The following BAALC variants were observed in gnomAD, a reference collection of about 807,000 sequenced individuals.
BAALC encodes brain and acute leukemia cytoplasmic protein.
In BAALC, 9 loss-of-function variants were observed where a neutral mutation model predicts 15.5. That is an observed-to-expected ratio of 0.58 (90% CI 0.35 to 1.02). The LOEUF is 1.02. Ranked by LOEUF, BAALC falls within the 50% of genes least tolerant of loss-of-function variation. BAALC has a pLI of 0.02. For missense variants in BAALC, 201 were observed against 192.4 expected (o/e 1.04, Z -0.27); for synonymous variants, 80 against 74.6 (o/e 1.07, Z -0.37).
intron 1 of BAALC, among the ~76,000 whole-genome samples, chr8:103,185,217 A>G (rs1303606184): frequency 6.6e-6 from 1 of 151,886 alleles, no homozygotes. Context: ...CTCAATCTAG[A>G]TGGTCTCTGC....
intron 2 of BAALC, among the ~76,000 whole-genome samples, chr8:103,218,564 C>G (rs1042566274): frequency 4.6e-5 from 7 of 151,966 alleles, no homozygotes; most frequent in Admixed American, 2.6e-4. Flanking sequence ...TTATTCCCCC[C>G]CACCCCTTAA....
intron 1 of BAALC, among the ~76,000 whole-genome samples, chr8:103,170,309 T>C (rs1811452745): frequency 1.3e-5 from 2 of 152,044 alleles, no homozygotes; most frequent in African/African-American, 4.8e-5. Context: ...TTGTATTGGA[T>C]GGTATACAGA....
At chr8:103,169,851 G>T (rs1405530118) in intron 1 of BAALC, among the ~76,000 whole-genome samples, 1 of 152,046 alleles carries the variant, frequency 6.6e-6, no homozygotes, top group African/African-American at 2.4e-5. Flanking sequence ...ATTCAGATTT[G>T]GTATTTTGGG....
chr8:103,198,144 G>C (rs1284784347), intron 1 of BAALC: 1 of 701,516 alleles, frequency 1.4e-6, no homozygotes, highest in South Asian at 1.5e-5. Flanking sequence ...CAGAAAGTTG[G>C]GCATCCCAAC....
chr8:103,203,835 G>A (rs1224831173), intron 1 of BAALC, among the ~76,000 whole-genome samples: 2 of 152,108 alleles, frequency 1.3e-5, no homozygotes, highest in Non-Finnish European at 2.9e-5. Context: ...TTCATCAATT[G>A]ATGGATATTC....
rs1198242671 is a variant in BAALC at position 103,141,015 on chromosome 8, G to A, written c.118G>A (p.Ala40Thr). The change falls in exon 1 of 3, where the codon GCC (alanine) becomes ACC (threonine). Residue 40 changes from alanine to threonine, a missense_variant. Ala to Thr is a moderately conservative substitution (Grantham distance 58). Transcript: ENST00000309982. Reference protein sequence around the residue: ...YTDSDAPPSAAAPDSGPEAGG... With the variant: ...YTDSDAPPSATAPDSGPEAGG... ...CGACTCGGACGCGCCGCCCAGCGCC[G>A]CCGCCCCGGACAGCGGCCCCGAAGC... is the stretch of plus-strand genomic sequence containing the variant. The A allele has an allele frequency of 1.3e-6, 2 of 1,520,586 alleles. No homozygotes were observed. Among genetic ancestry groups the A allele is most frequent in the South Asian group, 1.2e-5 (1 of 81,320 alleles). 94.2% of individuals were successfully genotyped at this position (1,520,586 alleles called of 1,614,324 possible).
chr8:103,211,864 A>T (rs949521591), intron 1 of BAALC, among the ~76,000 whole-genome samples: 6 of 152,160 alleles, frequency 3.9e-5, no homozygotes, highest in African/African-American at 7.2e-5. Context: ...GACTGGCCTC[A>T]GCAGGTGGAA....
chr8:103,206,015 T>C (rs1027039496), intron 1 of BAALC, among the ~76,000 whole-genome samples: 1 of 152,156 alleles, frequency 6.6e-6, no homozygotes, highest in African/African-American at 2.4e-5. Flanking sequence ...CCAGATAAAA[T>C]TGAAGACACC....
chr8:103,146,210 G>T (rs928556279), intron 1 of BAALC, among the ~76,000 whole-genome samples: 3 of 152,134 alleles, frequency 2.0e-5, no homozygotes, highest in Non-Finnish European at 4.4e-5. Context: ...CTGGGGAGGG[G>T]TCAGTGTGTA....
At chr8:103,173,874 G>T (rs941638723) in intron 1 of BAALC, among the ~76,000 whole-genome samples, 3 of 152,356 alleles carry the variant, frequency 2.0e-5, no homozygotes, top group Admixed American at 6.5e-5. Flanking sequence ...AAAGTTATCT[G>T]CAGAGTGCAA....
intron 1 of BAALC, among the ~76,000 whole-genome samples, chr8:103,172,719 G>C (rs1320302782): frequency 6.6e-6 from 1 of 152,068 alleles, no homozygotes; most frequent in South Asian, 2.1e-4. Flanking sequence ...CACTCACTGA[G>C]GTAGAGCTCT....
chr8:103,162,970 CAT>C (rs1265845372), intron 1 of BAALC, among the ~76,000 whole-genome samples: 2 of 152,196 alleles, frequency 1.3e-5, no homozygotes, highest in African/African-American at 2.4e-5. Flanking sequence ...GATTCCTGCA[CAT>C]GTTACAGGGA....
At chr8:103,151,708 A>G (rs914149545) in intron 1 of BAALC, among the ~76,000 whole-genome samples, 1 of 152,116 alleles carries the variant, frequency 6.6e-6, no homozygotes, top group Non-Finnish European at 1.5e-5. Flanking sequence ...ATGCGGTGAC[A>G]GACCCCATAT....
At chr8:103,143,114 A>G (rs759797591) in intron 1 of BAALC, among the ~76,000 whole-genome samples, 2 of 152,170 alleles carry the variant, frequency 1.3e-5, no homozygotes, top group Non-Finnish European at 2.9e-5. Flanking sequence ...GTGTACTGGC[A>G]TTCCCTAGGG....
At chr8:103,160,109 G>A (rs1262807875) in intron 1 of BAALC, among the ~76,000 whole-genome samples, 1 of 151,944 alleles carries the variant, frequency 6.6e-6, no homozygotes, top group Non-Finnish European at 1.5e-5. Context: ...TAACAGTATT[G>A]TTAACAGTGG....
At chr8:103,217,713 C>T (rs543559320) in intron 2 of BAALC, among the ~76,000 whole-genome samples, 1 of 152,340 alleles carries the variant, frequency 6.6e-6, no homozygotes, top group East Asian at 1.9e-4. Flanking sequence ...CACAGGCCTA[C>T]TGCAGTGCTG....
intron 1 of BAALC, among the ~76,000 whole-genome samples, chr8:103,203,461 C>T (rs1033798389): frequency 3.9e-5 from 6 of 152,112 alleles, no homozygotes; most frequent in Non-Finnish European, 4.4e-5. Flanking sequence ...TACAATTGAC[C>T]CATTTAAAGC....
chr8:103,218,472 AATT>A (rs1812610291), intron 2 of BAALC, among the ~76,000 whole-genome samples: 1 of 151,916 alleles, frequency 6.6e-6, no homozygotes, highest in East Asian at 1.9e-4. Context: ...TTCTCCCACT[AATT>A]AGTTGTTCAG....
chr8:103,186,969 T>C (rs1001545342), intron 1 of BAALC, among the ~76,000 whole-genome samples: 1 of 152,240 alleles, frequency 6.6e-6, no homozygotes, highest in Non-Finnish European at 1.5e-5. Context: ...CTACTTGTTC[T>C]CTCAGGACCT....
Sources: gnomAD v4.1 joint callset for allele counts (sites outside exome capture counted in the v4.1 genomes callset) on GRCh38, gnomAD v4.1.1 for gene constraint, MANE v1.5 for transcripts, NCBI Gene and HGNC (gene_info 2026-07-23, HGNC 2026-07-21) for gene names.